PRMT1: variants seen among roughly 807,000 people sequenced by gnomAD.
PRMT1 encodes the protein protein arginine N-methyltransferase 1.
In PRMT1, 5 loss-of-function variants were observed where a neutral mutation model predicts 47.4. That is an observed-to-expected ratio of 0.11 (90% CI 0.06 to 0.22). PRMT1 has a LOEUF of 0.22. Among genes scored for constraint, PRMT1 ranks in the 10% least tolerant of loss-of-function variants. The pLI is 1.00. For synonymous variants in PRMT1, 227 were observed against 204.6 expected, an observed-to-expected ratio of 1.11 and a Z score of -0.94; for missense variants, 249 against 518.4, an observed-to-expected ratio of 0.48 and a Z score of 5.05.
chr19:49,677,165 T>C, upstream of PRMT1: 1 of 1,043,078 alleles, frequency 9.6e-7, no homozygotes, highest in Non-Finnish European at 1.3e-6. Context: ...GCCAATGAAA[T>C]CTTCCAGCGG....
upstream of PRMT1, chr19:49,676,234 G>T (rs2122912504): frequency 6.6e-6 from 1 of 152,418 alleles, no homozygotes; most frequent in East Asian, 1.9e-4. Context: ...ACCAAAGAGC[G>T]AGCTCATTCC....
chr19:49,688,290 C>T lies in PRMT1; in HGVS notation c.*45C>T. 6.3e-7 allele frequency: 1 copy of T among 1,597,006 alleles called. No individual in the cohort carries two copies. The highest frequency in any genetic ancestry group is 8.6e-7 in the Non-Finnish European group (1 of 1,166,710). ...GCACGAGCCCAGGGGCTGAGCGTTC[C>T]TAGGCGGTTTCGGGGCTCCCCCTTC... is the stretch of plus-strand genomic sequence containing the variant. On this transcript the variant is annotated 3_prime_UTR_variant, in exon 11 of 11. Transcript: ENST00000454376. This position sits in a 1 kb window ranked among gnomAD's most constrained non-coding sequence, Gnocchi z 5.3.
At position 49,685,539 on chromosome 19, in the gene PRMT1, CCT is replaced by C. The variant is rs1218682917; in HGVS notation, c.759+503_759+504del. ...TTTTGTTTTTTTTTACTTCTGAGAC[CCT>C]GTTTAAAAAAAAAAAATACGGCGAT... is the stretch of plus-strand genomic sequence containing the variant. On this transcript the variant is annotated intron_variant, in intron 8 of 10. Coordinates refer to ENST00000454376, the MANE Select transcript of PRMT1 (RefSeq NM_001536.6). This position sits in a 1 kb window ranked among gnomAD's most constrained non-coding sequence, Gnocchi z 4.7. The C allele has an allele frequency of 4.9e-6, 5 of 1,018,638 alleles. No homozygotes were observed. The Middle Eastern group carries it at 1.5e-3, about 300-fold the overall frequency. 63.1% of individuals were successfully genotyped at this position (1,018,638 alleles called of 1,614,324 possible).
intron 9 of PRMT1, 25 bp from the exon 10 acceptor site, chr19:49,686,580 C>G: frequency 6.2e-7 from 1 of 1,603,154 alleles, no homozygotes; most frequent in South Asian, 1.1e-5. Flanking sequence ...CAGGCCGAGG[C>G]CGGCTGACCC....
rs1233173618 is a variant in PRMT1, at chr19:49,688,340, G to T, written c.*95G>T. The stretch of plus-strand genomic sequence containing the variant: ...CCTCTCCCTCCCTCCCGCAGAAGGG[G>T]GTTTTAGGGGCCTGGGCTGGGGGGA... On this transcript the variant is annotated 3_prime_UTR_variant, in exon 11 of 11. Coordinates refer to ENST00000454376, the MANE Select transcript of PRMT1 (RefSeq NM_001536.6). The surrounding 1 kb of genome is among the most constrained non-coding windows in gnomAD (Gnocchi z 5.3). 1.6e-6 allele frequency: 2 copies of T among 1,229,634 alleles called. No homozygotes were observed. The highest frequency in any genetic ancestry group is 2.4e-6 in the Non-Finnish European group (2 of 842,636). 76.2% of individuals were successfully genotyped at this position (1,229,634 alleles called of 1,614,324 possible).
chr19:49,677,375 T>A (rs758581339), intron 1 of PRMT1, 59 bp downstream of exon 1: 40 of 1,335,758 alleles, frequency 3.0e-5, no homozygotes, highest in Non-Finnish European at 3.8e-5. Context: ...GTTTCACGCC[T>A]CTGTGGTGGG....
At position 49,681,739 on chromosome 19, in the gene PRMT1, A is replaced by C. The variant is rs2082121354; in HGVS notation, c.193-171A>C. ...GGCAACAGAGTGAGATTCCATCTCA[A>C]AAAATAAAATAAAATAAAAATAAAT... is the stretch of plus-strand genomic sequence containing the variant. On this transcript the variant is annotated intron_variant, in intron 3 of 10. Transcript: ENST00000454376. The surrounding 1 kb of genome is among the most constrained non-coding windows in gnomAD (Gnocchi z 4.4). 6.6e-6 allele frequency among the ~76,000 whole-genome samples: 1 copy of C among 152,150 alleles called. No homozygotes were observed. The highest frequency in any genetic ancestry group is 6.5e-5 in the Admixed American group (1 of 15,276).
At chr19:49,686,583 G>C (rs1221919074) in intron 9 of PRMT1, 22 bp from the exon 10 acceptor site, 14 of 1,605,116 alleles carry the variant, frequency 8.7e-6, no homozygotes, top group Non-Finnish European at 1.2e-5. Context: ...GCCGAGGCCG[G>C]CTGACCCGCC....
At chr19:49,679,629 G>T (rs571363402) in intron 1 of PRMT1, 4 of 697,320 alleles carry the variant, frequency 5.7e-6, no homozygotes, top group Non-Finnish European at 1.0e-5. Flanking sequence ...GAGGGGCAGC[G>T]TGGGGGTGGG....
rs773258925 is a variant in PRMT1, at chr19:49,686,594, C to G, written c.911-11C>G. On this transcript the variant is annotated splice_polypyrimidine_tract_variant and intron_variant, in intron 9 of 10. Coordinates refer to ENST00000454376, the MANE Select transcript of PRMT1 (RefSeq NM_001536.6). ...GCAGGCCGAGGCCGGCTGACCCGCC[C>G]GCGCCCCCAGGCCCCGAGTCCCCGT... is the stretch of plus-strand genomic sequence containing the variant. 2.5e-6 allele frequency: 4 copies of G among 1,608,698 alleles called. No individual in the cohort carries two copies. Among genetic ancestry groups the G allele is most frequent in the Non-Finnish European group, 3.4e-6 (4 of 1,178,426 alleles).
intron 5 of PRMT1, among the ~76,000 whole-genome samples, chr19:49,682,756 A>G (rs1012749425): frequency 6.9e-6 from 1 of 144,178 alleles, no homozygotes; most frequent in African/African-American, 2.6e-5. Flanking sequence ...TTGCATGACC[A>G]CCATCATAGG....
chr19:49,686,074 G>A lies in PRMT1; in HGVS notation c.760-19G>A, dbSNP rs772439331. The A allele has an allele frequency of 6.2e-6, 10 of 1,607,592 alleles. No individual in the cohort carries two copies. Among genetic ancestry groups the A allele is most frequent in the Middle Eastern group, 1.7e-4 (1 of 5,724 alleles). ...GAGGTGGGGACGCATCCCGGAGCTC[G>A]CCCTCTCATGTCCTGCAGGAGGTGG... On this transcript the variant is annotated intron_variant, in intron 8 of 10. Transcript: ENST00000454376.
chr19:49,686,782 T>G (rs1195054500), intron 10 of PRMT1, 56 bp downstream of exon 10: 39 of 183,110 alleles, frequency 2.1e-4, no homozygotes, highest in Middle Eastern at 3.1e-3. Flanking sequence ...GAGTGTAGAT[T>G]GGGGGGGGAG....
upstream of PRMT1, chr19:49,677,180 G>T: frequency 4.3e-6 from 5 of 1,174,648 alleles, no homozygotes; most frequent in Non-Finnish European, 4.5e-6. Flanking sequence ...CAGCGGGGTC[G>T]CGGTAGGCGG....
At chr19:49,682,152 G>A in intron 4 of PRMT1, 44 bp from the exon 5 acceptor site, 2 of 1,613,720 alleles carry the variant, frequency 1.2e-6, no homozygotes, top group South Asian at 2.2e-5. Context: ...GAGGTGATGG[G>A]GGCAGGGGAT....
In PRMT1 at chr19:49,685,626, C is replaced by G. The variant is rs2082193987; in HGVS notation, c.760-467C>G. 1 of 1,013,052 alleles carries G rather than the reference C, an allele frequency of 9.9e-7. No homozygotes were observed. The allele number at this position is 1,013,052 out of a possible 1,614,324, so 62.8% of individuals were successfully genotyped here. A position where few individuals can be genotyped will look rare whatever the true frequency, so the allele number is the denominator to read the frequency against. ...GAAGCTGGGTGGCTGACCGGGGGAT[C>G]CTGTCGGGGAGGAGTAAGTTGTTGA... On this transcript the variant is annotated intron_variant, in intron 8 of 10. Transcript: ENST00000454376. This position sits in a 1 kb window ranked among gnomAD's most constrained non-coding sequence, Gnocchi z 4.7.
chr19:49,682,299 G>T (rs750534369), intron 5 of PRMT1, 40 bp downstream of exon 5: 3 of 1,597,936 alleles, frequency 1.9e-6, no homozygotes, highest in South Asian at 1.1e-5. Context: ...GAGTGGAGGG[G>T]GTGATGCCCT....
At chr19:49,679,470 A>G (rs2082083093) in intron 1 of PRMT1, 2 of 490,048 alleles carry the variant, frequency 4.1e-6, no homozygotes, top group East Asian at 1.2e-4. Context: ...TCTGCTATTC[A>G]TGGCACCCTA....
chr19:49,678,918 C>CT (rs1190243304), intron 1 of PRMT1, among the ~76,000 whole-genome samples: 5 of 145,972 alleles, frequency 3.4e-5, no homozygotes, highest in African/African-American at 1.3e-4. Flanking sequence ...GAGTCTTACT[C>CT]TGTCACCCAG....
Sources: allele counts gnomAD v4.1 joint callset (sites outside exome capture counted in the v4.1 genomes callset), GRCh38; gene constraint gnomAD v4.1.1; non-coding constraint Gnocchi (gnomAD v3.1); transcripts MANE v1.5; gene names NCBI Gene and HGNC (gene_info 2026-07-23, HGNC 2026-07-21).